The following TRABD2B variants were observed in gnomAD, a reference collection of about 807,000 sequenced individuals.
TRABD2B encodes the protein metalloprotease TIKI2.
In TRABD2B, 14 loss-of-function variants were observed where a neutral mutation model predicts 40.1. The observed-to-expected ratio is 0.35, with a 90% CI of 0.23 to 0.55. TRABD2B has a LOEUF of 0.55. TRABD2B is among the 20% of genes least tolerant of loss of function. The pLI is 0.90. For missense variants in TRABD2B, 541 were observed against 648.6 expected, an observed-to-expected ratio of 0.83 and a Z score of 1.80; for synonymous variants, 263 against 277.0, an observed-to-expected ratio of 0.95 and a Z score of 0.50.
chr1:47,796,265 G>A (rs1644746672), intron 3 of TRABD2B, among the ~76,000 whole-genome samples: 1 of 152,110 alleles, frequency 6.6e-6, no homozygotes, highest in South Asian at 2.1e-4. Context: ...CAACCTCCAA[G>A]CTCCTGCTCA....
In TRABD2B at chr1:47,913,641, G is replaced by A. The variant is rs547699175; in HGVS notation, c.666+80393C>T. Among the ~76,000 whole-genome samples, 21 of 152,232 alleles carry A rather than the reference G, an allele frequency of 1.4e-4. No homozygotes were observed. The East Asian group carries it at 2.7e-3, about 20-fold the overall frequency. ...GGTCAGCACCCCATGAATACGAACC[G>A]CTATGAAAGCAGTCCGGGGCAGCAT... On this transcript the variant is annotated intron_variant, in intron 2 of 6. Transcript: ENST00000606738.
At chr1:47,836,424 A>G (rs1382011892) in intron 2 of TRABD2B, among the ~76,000 whole-genome samples, 2 of 152,194 alleles carry the variant, frequency 1.3e-5, no homozygotes, top group Admixed American at 1.3e-4. Context: ...GCTTGGGGCA[A>G]TCATTCAACT....
intron 2 of TRABD2B, among the ~76,000 whole-genome samples, chr1:47,942,370 C>T (rs1008990797): frequency 3.7e-5 from 5 of 133,970 alleles, no homozygotes; most frequent in African/African-American, 1.3e-4. Context: ...GTGGTTGGAA[C>T]GGGGTGAAGG....
At chr1:47,908,440 G>A (rs557579550) in intron 2 of TRABD2B, among the ~76,000 whole-genome samples, 40 of 152,242 alleles carry the variant, frequency 2.6e-4, no homozygotes, top group African/African-American at 7.0e-4. Context: ...AAGTCCTCTG[G>A]GCCTCAGCTT....
chr1:47,792,661 C>T (rs1644690941), intron 4 of TRABD2B, among the ~76,000 whole-genome samples: 1 of 152,182 alleles, frequency 6.6e-6, no homozygotes, highest in Non-Finnish European at 1.5e-5. Context: ...TCCACGGCTC[C>T]CCTCACTGCT....
intron 2 of TRABD2B, among the ~76,000 whole-genome samples, chr1:47,850,856 G>A (rs912878979): frequency 1.3e-5 from 2 of 152,226 alleles, no homozygotes; most frequent in Non-Finnish European, 2.9e-5. Flanking sequence ...CGGGGGTTGG[G>A]AGATGGTTTA....
chr1:47,882,189 C>T (rs1390875121), intron 2 of TRABD2B, among the ~76,000 whole-genome samples: 2 of 152,254 alleles, frequency 1.3e-5, no homozygotes, highest in African/African-American at 2.4e-5. Context: ...TATGTAAACA[C>T]CAGCAAACAC....
intron 2 of TRABD2B, among the ~76,000 whole-genome samples, chr1:47,903,869 G>A (rs992205844): frequency 6.6e-6 from 1 of 152,302 alleles, no homozygotes; most frequent in Middle Eastern, 3.4e-3. Flanking sequence ...AGCACTGGGG[G>A]CTCACCAGGC....
At chr1:47,995,755 C>T (rs1201281183) in intron 1 of TRABD2B, among the ~76,000 whole-genome samples, 1 of 152,150 alleles carries the variant, frequency 6.6e-6, no homozygotes, top group Non-Finnish European at 1.5e-5. Flanking sequence ...CAGTACCTTA[C>T]TTTACTAACA....
chr1:47,917,914 T>G (rs1644851214), intron 2 of TRABD2B, among the ~76,000 whole-genome samples: 1 of 152,132 alleles, frequency 6.6e-6, no homozygotes, highest in Admixed American at 6.5e-5. Context: ...GTTGTTTTCA[T>G]GAAGAAGTGC....
At chr1:47,954,188 T>C (rs1197225111) in intron 2 of TRABD2B, among the ~76,000 whole-genome samples, 1 of 152,110 alleles carries the variant, frequency 6.6e-6, no homozygotes, top group Non-Finnish European at 1.5e-5. Flanking sequence ...AGATGAGTGA[T>C]TCCTGGCAGC....
chr1:47,963,679 T>A (rs1255775550), intron 2 of TRABD2B, among the ~76,000 whole-genome samples: 2 of 152,236 alleles, frequency 1.3e-5, no homozygotes, highest in African/African-American at 4.8e-5. Flanking sequence ...TAATTCTGGC[T>A]AAAATTTCCC....
chr1:47,784,831 G>C (rs1332692786), intron 4 of TRABD2B, among the ~76,000 whole-genome samples: 1 of 152,224 alleles, frequency 6.6e-6, no homozygotes, highest in African/African-American at 2.4e-5. Context: ...AGTGGGGCCT[G>C]AGATGACACC....
intron 2 of TRABD2B, among the ~76,000 whole-genome samples, chr1:47,838,288 G>T (rs1645346055): frequency 6.6e-6 from 1 of 152,192 alleles, no homozygotes; most frequent in African/African-American, 2.4e-5. Flanking sequence ...GAAGGCAAAT[G>T]TTAATTGTCC....
intron 2 of TRABD2B, among the ~76,000 whole-genome samples, chr1:47,842,616 G>A (rs1236684690): frequency 6.6e-6 from 1 of 152,210 alleles, no homozygotes; most frequent in Non-Finnish European, 1.5e-5. Flanking sequence ...TCAGTCCCCA[G>A]TGTGGGCACT....
intron 2 of TRABD2B, among the ~76,000 whole-genome samples, chr1:47,895,404 C>T (rs1199197047): frequency 2.6e-5 from 4 of 152,212 alleles, no homozygotes; most frequent in African/African-American, 9.6e-5. Context: ...CCAAGTTCAA[C>T]AACCTTGATG....
chr1:47,959,828 T>C (rs1284629124), intron 2 of TRABD2B, among the ~76,000 whole-genome samples: 1 of 152,034 alleles, frequency 6.6e-6, no homozygotes, highest in East Asian at 1.9e-4. Context: ...CTCCAATCAA[T>C]AGAAAAAGGG....
At chr1:47,934,612 T>C (rs1160421540) in intron 2 of TRABD2B, among the ~76,000 whole-genome samples, 1 of 152,216 alleles carries the variant, frequency 6.6e-6, no homozygotes, top group Non-Finnish European at 1.5e-5. Context: ...TAATGATTGC[T>C]CCATGTCTGA....
At chr1:47,906,914 G>A (rs1245846221) in intron 2 of TRABD2B, among the ~76,000 whole-genome samples, 1 of 152,222 alleles carries the variant, frequency 6.6e-6, no homozygotes, top group Non-Finnish European at 1.5e-5. Context: ...TCCCCCTCCG[G>A]CAATAGGCAC....
Sources: allele counts gnomAD v4.1 joint callset (sites outside exome capture counted in the v4.1 genomes callset), GRCh38; gene constraint gnomAD v4.1.1; transcripts MANE v1.5; gene names NCBI Gene and HGNC (gene_info 2026-07-23, HGNC 2026-07-21).